The following SDAD1 variants were observed in gnomAD, a reference collection of about 807,000 sequenced individuals.
The protein encoded by SDAD1 is protein SDA1 homolog.
In SDAD1, 79 loss-of-function variants were observed where a neutral mutation model predicts 100.3. The observed-to-expected ratio is 0.79, with a 90% CI of 0.66 to 0.95. The LOEUF (loss-of-function observed/expected upper bound fraction) is 0.95. Among genes scored for constraint, SDAD1 ranks in the 40% least tolerant of loss-of-function variants. The pLI, the probability that SDAD1 is intolerant of heterozygous loss-of-function variation, is 0.00. For synonymous variants in SDAD1, 267 were observed against 271.4 expected (o/e 0.98, Z 0.16); for missense variants, 790 against 810.9 (o/e 0.97, Z 0.31).
intron 1 of SDAD1, among the ~76,000 whole-genome samples, chr4:75,983,437 C>T (rs1730671200): frequency 6.6e-6 from 1 of 152,240 alleles, no homozygotes; most frequent in African/African-American, 2.4e-5. Flanking sequence ...TATTTCTCCA[C>T]ATCCTCTCCA....
chr4:75,961,623 C>A (rs1407887195), intron 14 of SDAD1, among the ~76,000 whole-genome samples: 1 of 152,022 alleles, frequency 6.6e-6, no homozygotes, highest in Non-Finnish European at 1.5e-5. Context: ...GTCTTTAGGG[C>A]TATTATCCTG....
intron 3 of SDAD1, chr4:75,980,966 G>T (rs1344436654): frequency 6.2e-6 from 1 of 161,070 alleles, no homozygotes; most frequent in African/African-American, 2.4e-5. Flanking sequence ...TGTCTAATGG[G>T]TAAGTTTACT....
At chr4:75,969,212 C>CACTG in intron 11 of SDAD1, 84 bp downstream of exon 11, 1 of 908,636 alleles carries the variant, frequency 1.1e-6, no homozygotes, top group Non-Finnish European at 1.7e-6. Context: ...AAAATTAAGC[C>CACTG]ACTGCTCTAC....
Position 75,951,851 on chromosome 4 carries a change from T to C in SDAD1, c.2017-1054A>G, listed in dbSNP as rs181296601. Among the ~76,000 whole-genome samples the C allele has an allele frequency of 9.8e-4, 150 of 152,366 alleles. 1 individual carries two copies. The highest frequency in any genetic ancestry group is 3.5e-3 in the African/African-American group (144 of 41,600). ...GGATACTATTCCATTAATTCCCAAG[T>C]ACTATTCTTTGTCCTAGAAACTTTT... On this transcript the variant is annotated intron_variant, in intron 21 of 21. Transcript: ENST00000356260.
intron 2 of SDAD1, 199 bp from the exon 3 acceptor site, chr4:75,981,669 T>G (rs1445010233): frequency 1.1e-6 from 1 of 938,010 alleles, no homozygotes; most frequent in African/African-American, 1.7e-5. Context: ...GTAATATTTA[T>G]GGCATGATTT....
rs1044939662 is a variant in SDAD1 at position 75,982,997 on chromosome 4, T to C, written c.91-960A>G. Among the ~76,000 whole-genome samples the C allele has an allele frequency of 1.6e-4, 24 of 149,148 alleles. 1 individual carries two copies. Among genetic ancestry groups the C allele is most frequent in the Admixed American group, 1.1e-3 (16 of 14,998 alleles). On this transcript the variant is annotated intron_variant, in intron 1 of 21. Coordinates refer to ENST00000356260, the MANE Select transcript of SDAD1 (RefSeq NM_018115.4). ...TGTGATGTTCCCCTTCCTGTATCCATGTGTCCTCACTGTTCAACTCCCACT... is the reference window on the plus strand; with the variant it reads ...TGTGATGTTCCCCTTCCTGTATCCACGTGTCCTCACTGTTCAACTCCCACT...
intron 4 of SDAD1, among the ~76,000 whole-genome samples, chr4:75,976,864 C>G (rs1226750379): frequency 6.6e-6 from 1 of 152,106 alleles, no homozygotes; most frequent in African/African-American, 2.4e-5. Context: ...CAAATTAGAC[C>G]AAGAAGTACA....
At chr4:75,956,476 G>A (rs539524927) in intron 20 of SDAD1, among the ~76,000 whole-genome samples, 12 of 151,568 alleles carry the variant, frequency 7.9e-5, no homozygotes, top group Admixed American at 2.6e-4. Flanking sequence ...GAGCATTTCC[G>A]GAAGAAGGGA....
Position 75,978,982 on chromosome 4 carries a change from GAAAA to G in SDAD1, c.295-1230_295-1227del, listed in dbSNP as rs538009004. On this transcript the variant is annotated intron_variant, in intron 3 of 21. Transcript: ENST00000356260. ...CAGCTGAGTGACAGACCCTGTCTCA[GAAAA>G]AAAAAAAAAAAAAAAAAAAAAAAAA... Among the ~76,000 whole-genome samples the G allele has an allele frequency of 3.4e-3, 131 of 38,050 alleles. 1 individual carries two copies. The South Asian group carries it at 0.041, about 12-fold the overall frequency. The allele number at this position is 38,050 out of a possible 152,430, so 25.0% of individuals were successfully genotyped here. A position where few individuals can be genotyped will look rare whatever the true frequency, so the allele number is the denominator to read the frequency against.
Position 75,990,727 on chromosome 4 carries a change from A to G in SDAD1, c.90+25T>C, listed in dbSNP as rs536717740. ...CTCAACCATCCACTATCCGGCCTCT[A>G]GCGTCTGCCGCGCCGCACTCCCACC... On this transcript the variant is annotated intron_variant, in intron 1 of 21. Coordinates refer to ENST00000356260, the MANE Select transcript of SDAD1 (RefSeq NM_018115.4). 141 of 1,613,424 alleles carry G rather than the reference A, an allele frequency of 8.7e-5. No individual in the cohort carries two copies. The South Asian group carries it at 1.4e-3, about 17-fold the overall frequency.
intron 7 of SDAD1, 34 bp from the exon 8 acceptor site, chr4:75,973,425 A>G (rs1415415419): frequency 1.4e-6 from 2 of 1,462,332 alleles, no homozygotes; most frequent in East Asian, 4.5e-5. Context: ...CAGCTACTTG[A>G]TTCAGCTTAA....
chr4:75,958,407 A>G (rs981424450), intron 17 of SDAD1, among the ~76,000 whole-genome samples: 2 of 152,258 alleles, frequency 1.3e-5, no homozygotes, highest in African/African-American at 4.8e-5. Context: ...ATGAGAATCT[A>G]GTTAGTCATT....
In SDAD1 at chr4:75,958,670, C is replaced by A. The variant is rs528165964; in HGVS notation, c.1484-729G>T. Among the ~76,000 whole-genome samples, 7 of 152,174 alleles carry A rather than the reference C, an allele frequency of 4.6e-5. No individual in the cohort carries two copies. In the South Asian group the frequency reaches 1.5e-3, roughly 32 times the overall value. On this transcript the variant is annotated intron_variant, in intron 17 of 21. Coordinates refer to ENST00000356260, the MANE Select transcript of SDAD1 (RefSeq NM_018115.4). ...GTCTTTCTATGTTCCATCTTGTATC[C>A]TACATTCTAATAGTTAGTTCCCTAA... is the stretch of plus-strand genomic sequence containing the variant.
At chr4:75,979,025 C>T (rs1259040236) in intron 3 of SDAD1, among the ~76,000 whole-genome samples, 4 of 108,634 alleles carry the variant, frequency 3.7e-5, no homozygotes, top group Non-Finnish European at 8.3e-5. Flanking sequence ...AGGGAAATTG[C>T]TAAAAGGACT....
At chr4:75,952,716 GGGTAGCCAC>G (rs749196140) in intron 21 of SDAD1, among the ~76,000 whole-genome samples, 38 of 152,170 alleles carry the variant, frequency 2.5e-4, no homozygotes, top group Non-Finnish European at 5.0e-4. Flanking sequence ...GTGTCCAATA[GGGTAGCCAC>G]TAACTACATG....
chr4:75,962,179 A>C (rs1033929420), intron 14 of SDAD1, among the ~76,000 whole-genome samples: 1 of 152,156 alleles, frequency 6.6e-6, no homozygotes, highest in African/African-American at 2.4e-5. Flanking sequence ...ATAGTTTGCT[A>C]AGAATGATGG....
At chr4:75,954,521 A>T (rs1408726629) in intron 21 of SDAD1, among the ~76,000 whole-genome samples, 2 of 151,976 alleles carry the variant, frequency 1.3e-5, no homozygotes, top group Admixed American at 6.6e-5. Flanking sequence ...AAAAATACAA[A>T]AATTAGCCGG....
chr4:75,982,780 A>AC (rs112914125), intron 1 of SDAD1, among the ~76,000 whole-genome samples: 11 of 149,266 alleles, frequency 7.4e-5, no homozygotes, highest in East Asian at 2.0e-4. Context: ...TCAAAATCCC[A>AC]CCCCCCCACT....
chr4:75,962,249 T>G (rs189269199), intron 14 of SDAD1, among the ~76,000 whole-genome samples: 242 of 152,362 alleles, frequency 1.6e-3, no homozygotes, highest in African/African-American at 5.4e-3. Flanking sequence ...TATGGCTGCA[T>G]AGTATTCCAT....
Sources: gnomAD v4.1 joint callset for allele counts (sites outside exome capture counted in the v4.1 genomes callset) on GRCh38, gnomAD v4.1.1 for gene constraint, MANE v1.5 for transcripts, NCBI Gene and HGNC (gene_info 2026-07-23, HGNC 2026-07-21) for gene names.